TTC9: variants seen among roughly 807,000 people sequenced by gnomAD.
The protein encoded by TTC9 is tetratricopeptide repeat protein 9A.
In TTC9, 13 loss-of-function variants were observed where a neutral mutation model predicts 22.9. That is an observed-to-expected ratio of 0.57 (90% confidence interval 0.37 to 0.90). The LOEUF (loss-of-function observed/expected upper bound fraction) is 0.90. Ranked by LOEUF, TTC9 falls within the 40% of genes least tolerant of loss-of-function variation. The probability of loss-of-function intolerance (pLI) is 0.01; values close to 1 mark genes in which losing one functional copy is unlikely to be tolerated. For synonymous variants in TTC9, 148 were observed against 133.2 expected, an observed-to-expected ratio of 1.11 and a Z score of -0.77; for missense variants, 280 against 291.8, an observed-to-expected ratio of 0.96 and a Z score of 0.29.
intron 1 of TTC9, among the ~76,000 whole-genome samples, chr14:70,666,450 A>T (rs1472771096): frequency 6.6e-6 from 1 of 152,184 alleles, no homozygotes; most frequent in African/African-American, 2.4e-5. Flanking sequence ...ACAAATATAC[A>T]TGAAAGGGAA....
At position 70,674,915 on chromosome 14, in the gene TTC9, C is replaced by T. The variant is rs1042447495; in HGVS notation, c.*3760C>T. On this transcript the variant is annotated 3_prime_UTR_variant, in exon 3 of 3. Coordinates refer to ENST00000256367, the MANE Select transcript of TTC9 (RefSeq NM_015351.2). ...AGCTAAATTTTGCACATGTCTATAA[C>T]GATTTCCTTAGGATAAACTCCAAGA... 2.6e-5 allele frequency: 4 copies of T among 152,132 alleles called. No individual in the cohort carries two copies. Among genetic ancestry groups the T allele is most frequent in the South Asian group, 4.1e-4 (2 of 4,832 alleles). The allele number at this position is 152,132 out of a possible 1,614,324, so 9.4% of individuals were successfully genotyped here. A position where few individuals can be genotyped will look rare whatever the true frequency, so the allele number is the denominator to read the frequency against.
At chr14:70,667,514 A>G (rs376218324) in intron 1 of TTC9, 50 bp from the exon 2 acceptor site, 2 of 1,598,354 alleles carry the variant, frequency 1.3e-6, no homozygotes, top group Non-Finnish European at 1.7e-6. Flanking sequence ...GGAAACATGC[A>G]GAGCTGGCCA....
At chr14:70,651,821 T>G (rs1165154597) in intron 1 of TTC9, among the ~76,000 whole-genome samples, 2 of 152,156 alleles carry the variant, frequency 1.3e-5, no homozygotes, top group African/African-American at 4.8e-5. Flanking sequence ...AGCTCCTGAG[T>G]CTAGAAATTC....
chr14:70,660,072 T>C (rs570851197), intron 1 of TTC9, among the ~76,000 whole-genome samples: 2 of 152,382 alleles, frequency 1.3e-5, no homozygotes, highest in South Asian at 4.1e-4. Flanking sequence ...GGAGGATGGA[T>C]GGATACTGTC....
At chr14:70,662,653 T>A (rs1886160902) in intron 1 of TTC9, among the ~76,000 whole-genome samples, 1 of 152,210 alleles carries the variant, frequency 6.6e-6, no homozygotes, top group Admixed American at 6.5e-5. Flanking sequence ...AGAGATCATT[T>A]AGTGAAATTT....
Position 70,667,610 on chromosome 14 carries a change from A to G in TTC9, c.453A>G (p.Glu151=). The G allele has an allele frequency of 6.2e-7, 1 of 1,614,032 alleles. No individual in the cohort carries two copies. The highest frequency in any genetic ancestry group is 8.5e-7 in the Non-Finnish European group (1 of 1,179,886). The change falls in exon 2 of 3, where the codon GAA becomes GAG. Residue 151 remains glutamate (E), a synonymous_variant. Coordinates refer to ENST00000256367, the MANE Select transcript of TTC9 (RefSeq NM_015351.2). The part of the protein sequence containing the change: ...AELVNYERVK[E]YCLKVLKKEG... Reference sequence around the variant, plus strand: ...TGGTAAACTATGAACGAGTCAAGGAATATTGCCTCAAAGTCTTGAAGAAGG... The same window carrying G: ...TGGTAAACTATGAACGAGTCAAGGAGTATTGCCTCAAAGTCTTGAAGAAGG...
chr14:70,649,920 T>C (rs1885956005), intron 1 of TTC9, among the ~76,000 whole-genome samples: 1 of 152,184 alleles, frequency 6.6e-6, no homozygotes, highest in Non-Finnish European at 1.5e-5. Flanking sequence ...GGTCCTGCCA[T>C]GTCAGTAGGA....
chr14:70,645,281 G>A (rs1422978821), intron 1 of TTC9, among the ~76,000 whole-genome samples: 2 of 152,062 alleles, frequency 1.3e-5, no homozygotes, highest in Non-Finnish European at 2.9e-5. Flanking sequence ...CCTCTAATAT[G>A]TATTTTCTTT....
In TTC9 at chr14:70,643,901, G is replaced by A. The variant is rs370891930; in HGVS notation, c.406+1366G>A. ...TAGTAGCAGCAGTTGGAGGAGTGGT[G>A]GTGCTAATAGCAATACTAGCAGTAA... On this transcript the variant is annotated intron_variant, in intron 1 of 2. Transcript: ENST00000256367. Among the ~76,000 whole-genome samples, 6 of 152,258 alleles carry A rather than the reference G, an allele frequency of 3.9e-5. No homozygotes were observed. The East Asian group carries it at 9.6e-4, about 24-fold the overall frequency.
At chr14:70,662,245 C>T (rs1252407348) in intron 1 of TTC9, among the ~76,000 whole-genome samples, 1 of 152,178 alleles carries the variant, frequency 6.6e-6, no homozygotes, top group Non-Finnish European at 1.5e-5. Context: ...TCCACAGAGT[C>T]CAGGCCAGGC....
chr14:70,661,077 CCTCT>C (rs1357166621), intron 1 of TTC9, among the ~76,000 whole-genome samples: 1 of 152,068 alleles, frequency 6.6e-6, no homozygotes, highest in Non-Finnish European at 1.5e-5. Flanking sequence ...GGGTTGGTTC[CCTCT>C]GAGGGCTGTG....
At position 70,672,791 on chromosome 14, in the gene TTC9, C is replaced by G. The variant is rs1886315713; in HGVS notation, c.*1636C>G. On this transcript the variant is annotated 3_prime_UTR_variant, in exon 3 of 3. Transcript: ENST00000256367. ...TTTGATGGGTAAGAATATTGAAAAC[C>G]AGAAAAATTAATTATCCCAAGGTTG... 1 of 152,130 alleles carries G rather than the reference C, an allele frequency of 6.6e-6. No homozygotes were observed. Among genetic ancestry groups the G allele is most frequent in the African/African-American group, 2.4e-5 (1 of 41,412 alleles). 9.4% of individuals were successfully genotyped at this position (152,130 alleles called of 1,614,324 possible). A position where few individuals can be genotyped will look rare whatever the true frequency, so the allele number is the denominator to read the frequency against.
At chr14:70,654,915 G>A (rs1336553837) in intron 1 of TTC9, among the ~76,000 whole-genome samples, 2 of 152,132 alleles carry the variant, frequency 1.3e-5, no homozygotes, top group African/African-American at 4.8e-5. Flanking sequence ...TGAACACTTG[G>A]TTGCCTTTGA....
Position 70,671,244 on chromosome 14 carries a change from T to TTTCTCCCCACTTC in TTC9, c.*94_*106dup. ...AGAGCCCCGTCCTGGATTCTGTCCCTTTCTCCCCACTTCTTCTGGCTCCTC... is the reference window on the plus strand; with the variant it reads ...AGAGCCCCGTCCTGGATTCTGTCCCTTTCTCCCCACTTCTTCTCCCCACTTCTTCTGGCTCCTC... On this transcript the variant is annotated 3_prime_UTR_variant, in exon 3 of 3. Transcript: ENST00000256367. 1 of 1,103,650 alleles carries TTTCTCCCCACTTC rather than the reference T, an allele frequency of 9.1e-7. No individual in the cohort carries two copies. Among genetic ancestry groups the TTTCTCCCCACTTC allele is most frequent in the African/African-American group, 1.6e-5 (1 of 63,730 alleles). 68.4% of individuals were successfully genotyped at this position (1,103,650 alleles called of 1,614,324 possible). A position where few individuals can be genotyped will look rare whatever the true frequency, so the allele number is the denominator to read the frequency against.
At chr14:70,650,462 G>A (rs957943385) in intron 1 of TTC9, among the ~76,000 whole-genome samples, 3 of 152,056 alleles carry the variant, frequency 2.0e-5, no homozygotes, top group African/African-American at 7.2e-5. Context: ...AAAATAAAAG[G>A]GGAGTTCTTT....
intron 1 of TTC9, among the ~76,000 whole-genome samples, chr14:70,665,550 G>A (rs965148055): frequency 5.9e-5 from 9 of 152,298 alleles, no homozygotes; most frequent in Middle Eastern, 3.4e-3. Flanking sequence ...AGCTGCCCTC[G>A]GGGGTTAGCA....
chr14:70,652,892 T>C (rs1023177612), intron 1 of TTC9, among the ~76,000 whole-genome samples: 1 of 152,154 alleles, frequency 6.6e-6, no homozygotes, highest in African/African-American at 2.4e-5. Context: ...CCCATGAGGA[T>C]GGAAGGAAGA....
At position 70,642,150 on chromosome 14, in the gene TTC9, G is replaced by T; in HGVS notation, c.21G>T (p.Ala7=). The part of the protein sequence containing the change: MERKGS[A]AGAKGNPSPP... ...GCCGAATGGAGAGAAAGGGCTCGGCGGCCGGGGCCAAGGGGAACCCGAGCC... is the reference window on the plus strand; with the variant it reads ...GCCGAATGGAGAGAAAGGGCTCGGCTGCCGGGGCCAAGGGGAACCCGAGCC... Residue 7 remains alanine, a synonymous_variant, in exon 1 of 3, where the codon GCG becomes GCT. Transcript: ENST00000256367. The T allele has an allele frequency of 8.5e-7, 1 of 1,169,670 alleles. No homozygotes were observed. Among genetic ancestry groups the T allele is most frequent in the Non-Finnish European group, 1.1e-6 (1 of 942,306 alleles). 72.5% of individuals were successfully genotyped at this position (1,169,670 alleles called of 1,614,324 possible).
intron 1 of TTC9, among the ~76,000 whole-genome samples, chr14:70,645,111 C>CAAAAAAT (rs796621209): frequency 1.3e-5 from 2 of 151,146 alleles, no homozygotes; most frequent in South Asian, 2.1e-4. Context: ...GACTCTGTCT[C>CAAAAAAT]AAAAAATAAA....
Sources: allele counts gnomAD v4.1 joint callset (sites outside exome capture counted in the v4.1 genomes callset), GRCh38; gene constraint gnomAD v4.1.1; transcripts MANE v1.5; gene names NCBI Gene and HGNC (gene_info 2026-07-23, HGNC 2026-07-21).